MAML2: variants seen among roughly 807,000 people sequenced by gnomAD.
MAML2 encodes mastermind-like protein 2.
MAML2 carries 22 observed loss-of-function variants against 96.1 expected under a neutral mutation model. The ratio of observed to expected loss-of-function variants is 0.23; its 90% CI spans 0.16 to 0.33. The LOEUF (loss-of-function observed/expected upper bound fraction) is 0.33. Ranked by LOEUF, MAML2 falls within the 10% of genes least tolerant of loss-of-function variation. The pLI, the probability that MAML2 is intolerant of heterozygous loss-of-function variation, is 1.00. For synonymous variants in MAML2, 561 were observed against 521.3 expected, an observed-to-expected ratio of 1.08 and a Z score of -1.04; for missense variants, 1,367 against 1,392.4, an observed-to-expected ratio of 0.98 and a Z score of 0.29.
chr11:96,179,983 G>A (rs974608362), intron 1 of MAML2, among the ~76,000 whole-genome samples: 1 of 152,186 alleles, frequency 6.6e-6, no homozygotes, highest in Non-Finnish European at 1.5e-5. Flanking sequence ...GGGAAAAGCA[G>A]GTACTATAAC....
intron 1 of MAML2, among the ~76,000 whole-genome samples, chr11:96,243,854 CGT>C (rs1862474999): frequency 6.6e-6 from 1 of 152,092 alleles, no homozygotes; most frequent in Non-Finnish European, 1.5e-5. Flanking sequence ...AGGGTTTCAC[CGT>C]GTTAGTCAGG....
intron 1 of MAML2, among the ~76,000 whole-genome samples, chr11:96,295,294 AACAG>A (rs1276149450): frequency 2.0e-5 from 3 of 152,232 alleles, no homozygotes; most frequent in Non-Finnish European, 4.4e-5. Context: ...TTTCAATAAA[AACAG>A]ACAGTCAGGA....
intron 1 of MAML2, among the ~76,000 whole-genome samples, chr11:96,151,697 C>A (rs959255986): frequency 4.6e-5 from 7 of 152,168 alleles, no homozygotes; most frequent in South Asian, 2.1e-4. Context: ...ATGTAAGACA[C>A]CCGCTCCTAC....
chr11:96,090,763 T>C (rs1859690743), intron 2 of MAML2, among the ~76,000 whole-genome samples: 1 of 152,236 alleles, frequency 6.6e-6, no homozygotes, highest in South Asian at 2.1e-4. Context: ...GAGTCTGGTG[T>C]TCTCTTGGCC....
At chr11:96,217,027 G>A (rs777579286) in intron 1 of MAML2, among the ~76,000 whole-genome samples, 1 of 152,200 alleles carries the variant, frequency 6.6e-6, no homozygotes, top group Non-Finnish European at 1.5e-5. Context: ...GGGAGTGTGA[G>A]AGCAGGATGG....
chr11:96,149,915 T>C (rs537953757), intron 1 of MAML2, among the ~76,000 whole-genome samples: 1 of 152,276 alleles, frequency 6.6e-6, no homozygotes, highest in South Asian at 2.1e-4. Context: ...TCTCTGTCTT[T>C]ATTTGATCCA....
At chr11:96,277,612 C>T (rs934504847) in intron 1 of MAML2, among the ~76,000 whole-genome samples, 57 of 151,624 alleles carry the variant, frequency 3.8e-4, no homozygotes, top group Middle Eastern at 3.4e-3. Context: ...ATTAGCAGGG[C>T]GTGGTAGCAA....
chr11:96,220,790 C>T (rs990517039), intron 1 of MAML2, among the ~76,000 whole-genome samples: 15 of 151,998 alleles, frequency 9.9e-5, no homozygotes, highest in Non-Finnish European at 2.1e-4. Flanking sequence ...GAAACCTCTA[C>T]TGGATTTTTC....
chr11:96,139,215 C>T lies in MAML2; in HGVS notation c.514-45698G>A, dbSNP rs560126208. ...ACTGAAAAAAGACAGTGGTGGCTCA[C>T]ACCTGTAATCCCAGCACTGTGGGAG... is the stretch of plus-strand genomic sequence containing the variant. On this transcript the variant is annotated intron_variant, in intron 1 of 4. Coordinates refer to ENST00000524717, the MANE Select transcript of MAML2 (RefSeq NM_032427.4). Among the ~76,000 whole-genome samples, 3 of 152,272 alleles carry T rather than the reference C, an allele frequency of 2.0e-5. No individual in the cohort carries two copies. In the South Asian group the frequency reaches 6.2e-4, roughly 32 times the overall value.
chr11:96,139,542 CTTT>C (rs10531010), intron 1 of MAML2, among the ~76,000 whole-genome samples: 17 of 146,058 alleles, frequency 1.2e-4, no homozygotes, highest in South Asian at 4.3e-4. Context: ...ATAACAGTTC[CTTT>C]TTTTTTTTTG....
chr11:96,198,861 C>T (rs1024264943), intron 1 of MAML2, among the ~76,000 whole-genome samples: 3 of 151,982 alleles, frequency 2.0e-5, no homozygotes, highest in Non-Finnish European at 2.9e-5. Context: ...TAAGATTTAC[C>T]TGGAAGTATC....
intron 1 of MAML2, among the ~76,000 whole-genome samples, chr11:96,224,487 C>G (rs1186872830): frequency 2.0e-5 from 3 of 152,234 alleles, no homozygotes; most frequent in Non-Finnish European, 4.4e-5. Context: ...GGCTGTTCTT[C>G]TTCCAAGGCC....
chr11:96,331,811 C>T (rs983468619), intron 1 of MAML2, among the ~76,000 whole-genome samples: 3 of 140,248 alleles, frequency 2.1e-5, no homozygotes, highest in African/African-American at 8.4e-5. Context: ...GAGTGAGACT[C>T]CATCTCAAAA....
chr11:95,994,610 C>G (rs1857963534), intron 2 of MAML2, among the ~76,000 whole-genome samples: 1 of 151,974 alleles, frequency 6.6e-6, no homozygotes, highest in Non-Finnish European at 1.5e-5. Context: ...GTAAAGACAG[C>G]TGGAAGTGGT....
chr11:96,221,261 A>G (rs1011695042), intron 1 of MAML2, among the ~76,000 whole-genome samples: 1 of 152,188 alleles, frequency 6.6e-6, no homozygotes, highest in Admixed American at 6.5e-5. Flanking sequence ...ACTGTTAACC[A>G]CAGAGAAGGA....
intron 1 of MAML2, among the ~76,000 whole-genome samples, chr11:96,212,971 A>G (rs1861993454): frequency 6.6e-6 from 1 of 152,144 alleles, no homozygotes; most frequent in African/African-American, 2.4e-5. Flanking sequence ...TCATCTTACA[A>G]TTAGGAGGAA....
At chr11:96,326,369 GTGTGTGTGTGTGTGTGTGCATGTA>G (rs1565284903) in intron 1 of MAML2, among the ~76,000 whole-genome samples, 2 of 150,850 alleles carry the variant, frequency 1.3e-5, no homozygotes, top group South Asian at 2.1e-4. Flanking sequence ...GTGTGTGTGT[GTGTGTGTGTGTGTGTGTGCATGTA>G]TGTGTGTGTG....
At chr11:96,111,091 G>C (rs1283190479) in intron 1 of MAML2, among the ~76,000 whole-genome samples, 1 of 152,130 alleles carries the variant, frequency 6.6e-6, no homozygotes, top group African/African-American at 2.4e-5. Context: ...GAAGGACAGA[G>C]CAATCCAACA....
At chr11:95,989,532 T>C (rs920004295) in intron 3 of MAML2, among the ~76,000 whole-genome samples, 1 of 152,200 alleles carries the variant, frequency 6.6e-6, no homozygotes, top group Non-Finnish European at 1.5e-5. Context: ...TTATAATTCA[T>C]GAAATTAGTA....
Sources: gnomAD v4.1 joint callset for allele counts (sites outside exome capture counted in the v4.1 genomes callset) on GRCh38, gnomAD v4.1.1 for gene constraint, MANE v1.5 for transcripts, NCBI Gene and HGNC (gene_info 2026-07-23, HGNC 2026-07-21) for gene names.